Variants in STK33 observed in about 807,000 individuals in gnomAD.
STK33 encodes the protein serine/threonine kinase 33.
Under a neutral mutation model 58.0 loss-of-function variants are expected in STK33, and 52 were observed. The ratio of observed to expected loss-of-function variants is 0.90; its 90% confidence interval spans 0.72 to 1.13. The LOEUF (loss-of-function observed/expected upper bound fraction) is 1.13. Among genes scored for constraint, STK33 ranks in the 50% most tolerant of loss-of-function variants. The pLI, the probability that STK33 is intolerant of heterozygous loss-of-function variation, is 0.00. For synonymous variants in STK33, 215 were observed against 200.1 expected (o/e 1.07, Z -0.63); for missense variants, 630 against 604.2 (o/e 1.04, Z -0.45).
chr11:8,463,712 TCTTA>T (rs1339478060), intron 7 of STK33, among the ~76,000 whole-genome samples: 1 of 152,224 alleles, frequency 6.6e-6, no homozygotes, highest in African/African-American at 2.4e-5. Context: ...TATAGTTTTA[TCTTA>T]CTATCTTTTG....
At chr11:8,386,897 G>C (rs1470567103), downstream of STK33, among the ~76,000 whole-genome samples, 1 of 152,168 alleles carries the variant, frequency 6.6e-6, no homozygotes, top group African/African-American at 2.4e-5. Context: ...GCCCTGAGAT[G>C]GGAATCACAC....
intron 6 of STK33, among the ~76,000 whole-genome samples, chr11:8,468,454 T>A (rs1201556503): frequency 1.3e-5 from 2 of 152,200 alleles, no homozygotes; most frequent in Admixed American, 6.5e-5. Context: ...AACAGAAAAT[T>A]CAACGCCCAA....
At chr11:8,373,233 G>A in the STK33 span, among the ~76,000 whole-genome samples, 1 of 152,142 alleles carries the variant, frequency 6.6e-6, no homozygotes. Context: ...GAACCCACAT[G>A]TTTCTGGGCA....
chr11:8,368,518 C>T, the STK33 span, among the ~76,000 whole-genome samples: 1 of 152,260 alleles, frequency 6.6e-6, no homozygotes. Flanking sequence ...CGCCTCTCCC[C>T]TGGGCTCTGT....
chr11:8,416,803 T>C (rs1251996604), intron 14 of STK33, among the ~76,000 whole-genome samples: 1 of 152,164 alleles, frequency 6.6e-6, no homozygotes, highest in Non-Finnish European at 1.5e-5. Flanking sequence ...CCCTATTTCC[T>C]ATGTGGAAAT....
At chr11:8,441,689 G>A (rs1944762783) in intron 11 of STK33, among the ~76,000 whole-genome samples, 1 of 151,924 alleles carries the variant, frequency 6.6e-6, no homozygotes, top group African/African-American at 2.4e-5. Flanking sequence ...AAATGACACT[G>A]CAGGAACATG....
intron 11 of STK33, among the ~76,000 whole-genome samples, chr11:8,445,927 T>C (rs1419684608): frequency 6.6e-6 from 1 of 152,086 alleles, no homozygotes; most frequent in Non-Finnish European, 1.5e-5. Context: ...CTCTTTCTAT[T>C]GTTTGGAATA....
chr11:8,426,007 C>A (rs191023748), intron 14 of STK33, among the ~76,000 whole-genome samples: 3 of 152,254 alleles, frequency 2.0e-5, no homozygotes, highest in Admixed American at 2.0e-4. Context: ...GTTTACCCAT[C>A]CATAGGTGGC....
chr11:8,512,994 T>G (rs145273836), intron 1 of STK33, among the ~76,000 whole-genome samples: 56 of 152,346 alleles, frequency 3.7e-4, no homozygotes, highest in African/African-American at 8.9e-4. Context: ...GAGAAAAAAT[T>G]AAACAAATTA....
intron 8 of STK33, among the ~76,000 whole-genome samples, chr11:8,459,590 G>C (rs764728288): frequency 1.3e-5 from 2 of 152,138 alleles, no homozygotes; most frequent in African/African-American, 4.8e-5. Context: ...ATTCCTGAGA[G>C]AGAGGAAATA....
chr11:8,591,956 T>G (rs2032680670), intron 1 of STK33, among the ~76,000 whole-genome samples: 1 of 151,928 alleles, frequency 6.6e-6, no homozygotes, highest in Admixed American at 6.6e-5. Context: ...CTGCATGTTG[T>G]GCACATGTAC....
At chr11:8,593,836 G>C (rs1277351087) in intron 1 of STK33, 1 of 152,364 alleles carries the variant, frequency 6.6e-6, no homozygotes, top group African/African-American at 2.4e-5. Context: ...GGCAGACAGA[G>C]ACCACCCCAA....
chr11:8,516,415 C>T (rs1448478945), intron 1 of STK33, among the ~76,000 whole-genome samples: 1 of 152,218 alleles, frequency 6.6e-6, no homozygotes, highest in Non-Finnish European at 1.5e-5. Flanking sequence ...CTCCAGTCTG[C>T]AGCTCCCAGC....
chr11:8,359,621 T>C, the STK33 span, among the ~76,000 whole-genome samples: 1 of 152,070 alleles, frequency 6.6e-6, no homozygotes, highest in Non-Finnish European at 1.5e-5. Context: ...AGGTGGTGGG[T>C]GAGACAAGTG....
At chr11:8,475,809 G>C (rs1949213095) in intron 4 of STK33, 1 of 152,138 alleles carries the variant, frequency 6.6e-6, no homozygotes, top group African/African-American at 2.4e-5. Context: ...ACTTCCAGAA[G>C]TAATTGGGAG....
intron 1 of STK33, among the ~76,000 whole-genome samples, chr11:8,558,229 T>G (rs1956894876): frequency 1.3e-5 from 2 of 151,968 alleles, no homozygotes; most frequent in South Asian, 4.1e-4. Context: ...AAACTTAAAA[T>G]GAAAAGGAAA....
chr11:8,475,159 A>C, intron 4 of STK33, 93 bp from the exon 5 acceptor site: 1 of 375,528 alleles, frequency 2.7e-6, no homozygotes. Flanking sequence ...CACTAGAAGC[A>C]TCCTGTATAG....
chr11:8,401,419 T>A (rs1348118691), intron 15 of STK33, among the ~76,000 whole-genome samples: 1 of 152,138 alleles, frequency 6.6e-6, no homozygotes, highest in Admixed American at 6.5e-5. Context: ...TAGCCATATG[T>A]AGAAAGCTGA....
the STK33 span, among the ~76,000 whole-genome samples, chr11:8,379,067 G>A: frequency 6.6e-6 from 1 of 152,112 alleles, no homozygotes; most frequent in African/African-American, 2.4e-5. Flanking sequence ...CTAATAAATA[G>A]TGCTGGGAAA....
Sources: allele counts gnomAD v4.1 joint callset (sites outside exome capture counted in the v4.1 genomes callset), GRCh38; gene constraint gnomAD v4.1.1; transcripts MANE v1.5; gene names NCBI Gene and HGNC (gene_info 2026-07-23, HGNC 2026-07-21).